TENM1: variants seen among roughly 807,000 people sequenced by gnomAD.
TENM1 encodes the protein teneurin transmembrane protein 1.
A neutral mutation model predicts 174.8 loss-of-function variants in TENM1; 35 were observed. That is an observed-to-expected ratio of 0.20 (90% CI 0.15 to 0.27). The LOEUF (loss-of-function observed/expected upper bound fraction) is 0.27, where lower values mean the gene tolerates loss of function less well. Among genes scored for constraint, TENM1 ranks in the 10% least tolerant of loss-of-function variants. The pLI, the probability that TENM1 is intolerant of heterozygous loss-of-function variation, is 1.00. For missense variants in TENM1, 1,633 were observed against 2,130.1 expected (o/e 0.77, Z 4.59); for synonymous variants, 781 against 798.7 (o/e 0.98, Z 0.37).
At chrX:124,638,503 T>A (rs367810775) in intron 11 of TENM1, among the ~76,000 whole-genome samples, 4 of 111,155 alleles carry the variant, frequency 3.6e-5, no homozygotes, top group African/African-American at 1.3e-4. Context: ...ATTTATTAAA[T>A]CATATATAAA....
the TENM1 span, among the ~76,000 whole-genome samples, chrX:125,158,913 G>A: frequency 9.2e-6 from 1 of 109,264 alleles, no homozygotes; most frequent in Admixed American, 1.0e-4. Context: ...ATGGTGGTTG[G>A]CTAGGCAAAT....
chrX:124,841,894 G>C (rs1017210666), intron 3 of TENM1, among the ~76,000 whole-genome samples: 1 of 112,282 alleles, frequency 8.9e-6, no homozygotes, highest in Non-Finnish European at 1.9e-5. Flanking sequence ...GAGTAACTTT[G>C]TCTCTCATGC....
chrX:124,737,030 G>C, exon 4 of TENM1: 2 of 1,211,575 alleles, frequency 1.7e-6, no homozygotes, highest in African/African-American at 1.7e-5. Flanking sequence ...GTGCTGGTTG[G>C]GGGAGCTGGA....
the TENM1 span, among the ~76,000 whole-genome samples, chrX:125,111,210 C>A: frequency 9.0e-6 from 1 of 111,643 alleles, no homozygotes; most frequent in African/African-American, 3.3e-5. Context: ...AGCGGTGCAC[C>A]TAAACAATCA....
chrX:125,100,714 GA>G, the TENM1 span, among the ~76,000 whole-genome samples: 1 of 111,867 alleles, frequency 8.9e-6, no homozygotes, highest in African/African-American at 3.3e-5. Context: ...TATGTGTTTT[GA>G]GTGAATATGT....
chrX:124,656,083 TTATAAA>T (rs1248881714), intron 6 of TENM1, among the ~76,000 whole-genome samples: 2 of 112,408 alleles, frequency 1.8e-5, no homozygotes, highest in African/African-American at 3.2e-5. Context: ...GCAAACAATA[TTATAAA>T]TATAAAACAA....
At chrX:124,520,373 A>G in intron 18 of TENM1, 144 bp downstream of exon 21, 1 of 585,051 alleles carries the variant, frequency 1.7e-6, no homozygotes. Flanking sequence ...AACTGGCCTC[A>G]AGGTAGTGTT....
the TENM1 span, among the ~76,000 whole-genome samples, chrX:125,002,268 C>A: frequency 9.0e-6 from 1 of 111,459 alleles, no homozygotes; most frequent in East Asian, 2.8e-4. Flanking sequence ...GCACCCTGGT[C>A]TTTCGCTATG....
At chrX:124,576,962 C>T (rs1176728700) in intron 11 of TENM1, among the ~76,000 whole-genome samples, 1 of 111,943 alleles carries the variant, frequency 8.9e-6, no homozygotes, top group Non-Finnish European at 1.9e-5. Context: ...CAAAGATCTT[C>T]AAATACACGT....
intron 4 of TENM1, among the ~76,000 whole-genome samples, chrX:124,721,922 CACAA>C (rs755279356): frequency 1.5e-4 from 17 of 112,280 alleles, no homozygotes; most frequent in East Asian, 2.8e-4. Flanking sequence ...TATGCACGCA[CACAA>C]ACATACATGC....
At chrX:124,717,836 C>G (rs750237090) in intron 4 of TENM1, among the ~76,000 whole-genome samples, 2 of 112,128 alleles carry the variant, frequency 1.8e-5, no homozygotes, top group African/African-American at 3.2e-5. Flanking sequence ...CCCCAAATCC[C>G]CATTCCACAG....
the TENM1 span, among the ~76,000 whole-genome samples, chrX:125,060,179 T>A: frequency 1.2e-5 from 1 of 82,418 alleles, no homozygotes; most frequent in Non-Finnish European, 2.1e-5. Context: ...TCTCTCTCTC[T>A]CTCACACACA....
intron 3 of TENM1, among the ~76,000 whole-genome samples, chrX:124,783,706 A>C (rs888430646): frequency 8.9e-6 from 1 of 111,858 alleles, no homozygotes; most frequent in South Asian, 3.7e-4. Flanking sequence ...GTTAATTTCC[A>C]GTTTTTATTT....
chrX:125,189,273 C>T, the TENM1 span, among the ~76,000 whole-genome samples: 2,263 of 111,832 alleles, frequency 0.02, 52 homozygotes, highest in African/African-American at 0.07. Flanking sequence ...ACATGTACAA[C>T]TTCCCTCACC....
chrX:124,949,784 A>G (rs1463162263), intron 1 of TENM1, among the ~76,000 whole-genome samples: 2 of 111,895 alleles, frequency 1.8e-5, no homozygotes, highest in African/African-American at 6.5e-5. Context: ...ATTTGGATCA[A>G]TAGGAATAAT....
intron 1 of TENM1, among the ~76,000 whole-genome samples, chrX:124,963,309 C>G (rs1406474989): frequency 2.7e-5 from 3 of 112,454 alleles, no homozygotes; most frequent in African/African-American, 9.7e-5. Context: ...TTTGAATGCT[C>G]TGATAAGAGG....
the TENM1 span, among the ~76,000 whole-genome samples, chrX:125,137,685 G>A: frequency 4.3e-4 from 48 of 111,290 alleles, no homozygotes; most frequent in African/African-American, 1.5e-3. Context: ...ATGGCTCCAG[G>A]CACACTTGCA....
chrX:124,534,588 C>G (rs768403234), intron 15 of TENM1, among the ~76,000 whole-genome samples: 1 of 112,349 alleles, frequency 8.9e-6, no homozygotes, highest in South Asian at 3.7e-4. Flanking sequence ...ACAGCGATTT[C>G]CTTTTGTTGC....
At chrX:124,621,087 C>A (rs1016998725) in intron 11 of TENM1, among the ~76,000 whole-genome samples, 4 of 112,014 alleles carry the variant, frequency 3.6e-5, no homozygotes, top group Non-Finnish European at 7.5e-5. Context: ...AGTTGAGTAT[C>A]CCTTATTCGA....
Sources: allele counts gnomAD v4.1 joint callset (sites outside exome capture counted in the v4.1 genomes callset), GRCh38; gene constraint gnomAD v4.1.1; transcripts MANE v1.5; gene names NCBI Gene and HGNC (gene_info 2026-07-23, HGNC 2026-07-21).